Variants in SLC35D4 observed in about 807,000 individuals in gnomAD.
The protein encoded by SLC35D4 is UDP-N-acetylglucosamine transporter SLC35D4.
the SLC35D4 span, among the ~76,000 whole-genome samples, chr18:23,293,600 G>A: frequency 6.6e-6 from 1 of 152,178 alleles, no homozygotes; most frequent in South Asian, 2.1e-4. Flanking sequence ...CAGGGCTAGA[G>A]GCACTGGGTG....
the SLC35D4 span, among the ~76,000 whole-genome samples, chr18:23,264,020 AC>A: frequency 6.6e-6 from 1 of 152,226 alleles, no homozygotes; most frequent in Admixed American, 6.5e-5. Context: ...GGCCTGGTAC[AC>A]AGAATTCACC....
chr18:23,324,441 A>C, the SLC35D4 span, among the ~76,000 whole-genome samples: 1 of 152,222 alleles, frequency 6.6e-6, no homozygotes. Flanking sequence ...TGAATGTTTC[A>C]AAAGACGCTT....
the SLC35D4 span, among the ~76,000 whole-genome samples, chr18:23,307,975 A>C: frequency 6.6e-6 from 1 of 151,868 alleles, no homozygotes; most frequent in South Asian, 2.1e-4. Flanking sequence ...CCCACACCCA[A>C]CTGTCTCCTG....
chr18:23,261,455 C>T, the SLC35D4 span, among the ~76,000 whole-genome samples: 16 of 152,190 alleles, frequency 1.1e-4, no homozygotes, highest in African/African-American at 3.6e-4. Flanking sequence ...AACCCTGTCT[C>T]TACTGAAAAT....
the SLC35D4 span, among the ~76,000 whole-genome samples, chr18:23,431,856 A>G: frequency 6.6e-6 from 1 of 152,328 alleles, no homozygotes; most frequent in Admixed American, 6.5e-5. Context: ...TTTTAAGTCT[A>G]AAACCATTAA....
chr18:23,437,667 T>A, the SLC35D4 span: 1 of 1,142,260 alleles, frequency 8.8e-7, no homozygotes. Context: ...TCCATCTCCA[T>A]CGCCACCAGG....
the SLC35D4 span, among the ~76,000 whole-genome samples, chr18:23,372,286 T>C: frequency 5.3e-5 from 8 of 152,254 alleles, no homozygotes; most frequent in Admixed American, 2.0e-4. Context: ...CTCTCCTAGA[T>C]TGCACATTCC....
At chr18:23,355,019 C>T in the SLC35D4 span, among the ~76,000 whole-genome samples, 3 of 152,120 alleles carry the variant, frequency 2.0e-5, no homozygotes, top group Non-Finnish European at 4.4e-5. Flanking sequence ...CTATGGCTAC[C>T]GTGCCCCTCC....
the SLC35D4 span, among the ~76,000 whole-genome samples, chr18:23,308,622 G>A: frequency 1.3e-5 from 2 of 151,984 alleles, no homozygotes; most frequent in Non-Finnish European, 2.9e-5. Flanking sequence ...ATCATGGCAA[G>A]AGCCCCTGGT....
At chr18:23,311,063 T>C in the SLC35D4 span, among the ~76,000 whole-genome samples, 64,889 of 151,788 alleles carry the variant, frequency 0.43, 14,973 homozygotes, top group Admixed American at 0.55. Flanking sequence ...ATGACAACTT[T>C]TGAGCTGATG....
chr18:23,282,412 G>A, the SLC35D4 span, among the ~76,000 whole-genome samples: 17,977 of 152,266 alleles, frequency 0.12, 1,227 homozygotes, highest in South Asian at 0.19. Flanking sequence ...AAAATCAGCT[G>A]ACAGCAGGAG....
the SLC35D4 span, among the ~76,000 whole-genome samples, chr18:23,374,954 A>G: frequency 6.6e-6 from 1 of 151,960 alleles, no homozygotes; most frequent in East Asian, 1.9e-4. Flanking sequence ...TTTTCTACTA[A>G]AAGCACAAAA....
chr18:23,364,901 T>TAAA, the SLC35D4 span, among the ~76,000 whole-genome samples: 1 of 19,018 alleles, frequency 5.3e-5, no homozygotes, highest in African/African-American at 3.9e-4. Flanking sequence ...AGACTCTGTC[T>TAAA]CAAAAAAAAA....
chr18:23,370,190 CA>C, the SLC35D4 span: 1 of 1,563,352 alleles, frequency 6.4e-7, no homozygotes. Flanking sequence ...AACTCCATCT[CA>C]AGGAAAAAAA....
chr18:23,274,019 A>G, the SLC35D4 span, among the ~76,000 whole-genome samples: 4 of 152,130 alleles, frequency 2.6e-5, no homozygotes, highest in South Asian at 2.1e-4. Flanking sequence ...TGCAGCCTCA[A>G]CCTCCTCAGC....
chr18:23,337,211 C>T, the SLC35D4 span, among the ~76,000 whole-genome samples: 5 of 152,110 alleles, frequency 3.3e-5, no homozygotes, highest in Admixed American at 2.0e-4. Context: ...CGGTGGCTCA[C>T]GCCTGTAATC....
At chr18:23,363,424 G>C in the SLC35D4 span, among the ~76,000 whole-genome samples, 1 of 130,836 alleles carries the variant, frequency 7.6e-6, no homozygotes, top group Non-Finnish European at 1.6e-5. Flanking sequence ...GCCCAGGCTG[G>C]AGTGCAGTGA....
the SLC35D4 span, among the ~76,000 whole-genome samples, chr18:23,304,693 G>A: frequency 1.4e-4 from 21 of 152,084 alleles, no homozygotes; most frequent in Admixed American, 1.3e-3. Context: ...AGAAGGACAG[G>A]TGCAGAGGAA....
At chr18:23,295,293 G>C in the SLC35D4 span, among the ~76,000 whole-genome samples, 1 of 151,818 alleles carries the variant, frequency 6.6e-6, no homozygotes, top group Non-Finnish European at 1.5e-5. Flanking sequence ...TGGTGGATAG[G>C]TGCAGCAAAC....
Sources: gnomAD v4.1 joint callset for allele counts (sites outside exome capture counted in the v4.1 genomes callset) on GRCh38, gnomAD v4.1.1 for gene constraint, MANE v1.5 for transcripts, NCBI Gene and HGNC (gene_info 2026-07-23, HGNC 2026-07-21) for gene names.